ATP8B4: variants seen among roughly 807,000 people sequenced by gnomAD.
The protein encoded by ATP8B4 is ATPase phospholipid transporting 8B4 (putative).
A neutral mutation model predicts 145.6 loss-of-function variants in ATP8B4; 133 were observed. That is an observed-to-expected ratio of 0.91 (90% CI 0.79 to 1.05). The LOEUF (loss-of-function observed/expected upper bound fraction) is 1.05. Ranked by LOEUF, ATP8B4 falls within the 50% of genes least tolerant of loss-of-function variation. ATP8B4 has a pLI of 0.00. For synonymous variants in ATP8B4, 507 were observed against 492.9 expected, an observed-to-expected ratio of 1.03 and a Z score of -0.38; for missense variants, 1,458 against 1,425.2, an observed-to-expected ratio of 1.02 and a Z score of -0.37.
intron 6 of ATP8B4, among the ~76,000 whole-genome samples, chr15:50,029,828 T>C (rs1308447681): frequency 6.6e-6 from 1 of 152,226 alleles, no homozygotes; most frequent in Admixed American, 6.5e-5. Context: ...GATTTCTATG[T>C]TTTGTTTGTA....
intron 6 of ATP8B4, among the ~76,000 whole-genome samples, chr15:50,036,123 T>G (rs1270657067): frequency 6.6e-6 from 1 of 152,186 alleles, no homozygotes; most frequent in Non-Finnish European, 1.5e-5. Flanking sequence ...TATACCTGCT[T>G]CCCTGGAAGC....
intron 21 of ATP8B4, 113 bp downstream of exon 21, chr15:49,900,979 T>C (rs2037960264): frequency 5.2e-6 from 7 of 1,346,228 alleles, no homozygotes; most frequent in Non-Finnish European, 7.1e-6. Context: ...ATGCCCTGTA[T>C]CTAGTAGTGA....
At chr15:50,002,797 C>G (rs1323734532) in intron 7 of ATP8B4, among the ~76,000 whole-genome samples, 3 of 152,052 alleles carry the variant, frequency 2.0e-5, no homozygotes, top group African/African-American at 7.2e-5. Flanking sequence ...AGGAAAACAG[C>G]AAGACAGAAG....
chr15:49,980,214 C>A (rs1025512624), intron 11 of ATP8B4, among the ~76,000 whole-genome samples: 1 of 152,172 alleles, frequency 6.6e-6, no homozygotes, highest in Non-Finnish European at 1.5e-5. Context: ...AAGTAAAACA[C>A]AGAGCCTGGC....
chr15:50,121,451 C>T (rs1321435834), upstream of ATP8B4, among the ~76,000 whole-genome samples: 1 of 152,044 alleles, frequency 6.6e-6, no homozygotes, highest in Non-Finnish European at 1.5e-5. Flanking sequence ...GTACTTAAAG[C>T]CACTGAACTG....
chr15:49,860,158 T>C lies in ATP8B4; in HGVS notation c.*36A>G, dbSNP rs773529100. 11 of 1,563,988 alleles carry C rather than the reference T, an allele frequency of 7.0e-6. No homozygotes were observed. The Admixed American group carries it at 2.0e-4, about 29-fold the overall frequency. The stretch of plus-strand genomic sequence containing the variant: ...AGCAGAATTTCAGCTCCACCTGAAG[T>C]GAAAAGATAACTACGTGGTTTAAAT... On this transcript the variant is annotated 3_prime_UTR_variant, in exon 28 of 28. Coordinates refer to ENST00000284509, the MANE Select transcript of ATP8B4 (RefSeq NM_024837.4).
At chr15:50,149,236 T>C (rs563656282) in intron 1 of ATP8B4, among the ~76,000 whole-genome samples, 1 of 152,262 alleles carries the variant, frequency 6.6e-6, no homozygotes, top group African/African-American at 2.4e-5. Context: ...GCCCAGTATG[T>C]CCCTGTATAT....
At chr15:49,909,006 C>A (rs1163192977) in intron 20 of ATP8B4, among the ~76,000 whole-genome samples, 1 of 152,186 alleles carries the variant, frequency 6.6e-6, no homozygotes, top group African/African-American at 2.4e-5. Context: ...CTGCCACCCC[C>A]ACCTGAGCAT....
At chr15:49,945,498 C>A (rs2153481658) in intron 14 of ATP8B4, among the ~76,000 whole-genome samples, 1 of 152,166 alleles carries the variant, frequency 6.6e-6, no homozygotes, top group South Asian at 2.1e-4. Context: ...GGAACACTTC[C>A]AAACTCATTT....
chr15:49,998,502 ATTT>A (rs2047611439), intron 8 of ATP8B4, among the ~76,000 whole-genome samples: 1 of 152,078 alleles, frequency 6.6e-6, no homozygotes, highest in Non-Finnish European at 1.5e-5. Flanking sequence ...GATGGTGAGC[ATTT>A]TTTCACGTGT....
At chr15:50,045,191 T>C (rs762333898) in intron 4 of ATP8B4, among the ~76,000 whole-genome samples, 6 of 152,144 alleles carry the variant, frequency 3.9e-5, no homozygotes, top group Non-Finnish European at 8.8e-5. Flanking sequence ...AGGTTTGTAT[T>C]CCACATAAAT....
At chr15:49,971,970 C>T (rs112216894) in intron 13 of ATP8B4, among the ~76,000 whole-genome samples, 238 of 152,206 alleles carry the variant, frequency 1.6e-3, no homozygotes, top group African/African-American at 5.3e-3. Context: ...ATGTCCTTTG[C>T]AGAGACATGG....
At chr15:50,120,846 C>T (rs1264623650), upstream of ATP8B4, among the ~76,000 whole-genome samples, 2 of 152,146 alleles carry the variant, frequency 1.3e-5, no homozygotes, top group Admixed American at 1.3e-4. Context: ...GAGTTTAGTT[C>T]TGTCTCCACC....
intron 15 of ATP8B4, among the ~76,000 whole-genome samples, chr15:49,931,997 G>A (rs1272807514): frequency 6.6e-6 from 1 of 151,568 alleles, no homozygotes; most frequent in Non-Finnish European, 1.5e-5. Flanking sequence ...TACATATAGA[G>A]AGAGAGAGTT....
intron 1 of ATP8B4, among the ~76,000 whole-genome samples, chr15:50,136,824 C>A (rs1209816642): frequency 6.6e-6 from 1 of 152,094 alleles, no homozygotes; most frequent in East Asian, 1.9e-4. Flanking sequence ...CTCAGTTACC[C>A]CGTCTGTAAG....
In ATP8B4 at chr15:49,897,442, T is replaced by C; in HGVS notation, c.2547A>G (p.Ala849=). Residue 849 remains alanine, a synonymous_variant, in exon 23 of 28, where the codon GCA becomes GCG. Transcript: ENST00000284509. ...QAVLASDYSF[A]QFRYLQRLLL... ...GAAGCCTTTGGAGATATCTAAACTG[T>C]GCAAATGAATAGTCGCTGGCTAAGA... 1 of 1,609,726 alleles carries C rather than the reference T, an allele frequency of 6.2e-7. No homozygotes were observed. Among genetic ancestry groups the C allele is most frequent in the Non-Finnish European group, 8.5e-7 (1 of 1,178,212 alleles).
Position 49,981,170 on chromosome 15 carries a change from C to A in ATP8B4, c.837+36G>T. On this transcript the variant is annotated intron_variant, in intron 11 of 27. Coordinates refer to ENST00000284509, the MANE Select transcript of ATP8B4 (RefSeq NM_024837.4). Reference sequence around the variant, plus strand: ...AGATTCAGTAAATGTACTAAGATAACAATGACTAGTGATATTGCCTAGTTT... The same window carrying A: ...AGATTCAGTAAATGTACTAAGATAAAAATGACTAGTGATATTGCCTAGTTT... 4 of 1,432,718 alleles carry A rather than the reference C, an allele frequency of 2.8e-6. No homozygotes were observed. In the Middle Eastern group the frequency reaches 5.3e-4, roughly 190 times the overall value. The allele number at this position is 1,432,718 out of a possible 1,614,324, so 88.8% of individuals were successfully genotyped here.
chr15:50,165,361 G>T (rs572283099), intron 1 of ATP8B4, among the ~76,000 whole-genome samples: 6 of 152,084 alleles, frequency 3.9e-5, no homozygotes, highest in Admixed American at 3.9e-4. Context: ...CCCCTCTTCC[G>T]TTAATATGAT....
chr15:49,955,251 A>G (rs2043454354), intron 14 of ATP8B4, among the ~76,000 whole-genome samples: 1 of 152,218 alleles, frequency 6.6e-6, no homozygotes, highest in Non-Finnish European at 1.5e-5. Context: ...GATGGGTTCA[A>G]CTGTATCCCA....
Sources: allele counts gnomAD v4.1 joint callset (sites outside exome capture counted in the v4.1 genomes callset), GRCh38; gene constraint gnomAD v4.1.1; transcripts MANE v1.5; gene names NCBI Gene and HGNC (gene_info 2026-07-23, HGNC 2026-07-21).